DACH2: variants seen among roughly 807,000 people sequenced by gnomAD.
DACH2 encodes dachshund homolog 2.
DACH2 carries 17 observed loss-of-function variants against 35.8 expected under a neutral mutation model. That is an observed-to-expected ratio of 0.48 (90% CI 0.33 to 0.71). The LOEUF is 0.71. Ranked by LOEUF, DACH2 falls within the 30% of genes least tolerant of loss-of-function variation. The pLI is 0.02. For missense variants in DACH2, 469 were observed against 472.7 expected (o/e 0.99, Z 0.07); for synonymous variants, 195 against 177.3 (o/e 1.10, Z -0.79).
rs1569439478 is a variant in DACH2 at position 86,556,824 on chromosome X, AG to A, written c.640+42434del. On this transcript the variant is annotated intron_variant, in intron 3 of 11. Transcript: ENST00000373125. ...GAGAGAGAGAGAGAGAGAGAGAGAG[AG>A]AGAGAAGAAGAAATGTACTACGGGA... is the stretch of plus-strand genomic sequence containing the variant. Among the ~76,000 whole-genome samples the A allele has an allele frequency of 8.7e-4, 80 of 92,259 alleles. 2 individuals carry two copies. Among genetic ancestry groups the A allele is most frequent in the Non-Finnish European group, 1.3e-3 (58 of 45,912 alleles). The allele number at this position is 92,259 out of a possible 115,157, so 80.1% of individuals were successfully genotyped here.
intron 7 of DACH2, among the ~76,000 whole-genome samples, chrX:86,748,410 G>A (rs775229454): frequency 2.6e-4 from 29 of 112,015 alleles, no homozygotes; most frequent in African/African-American, 7.1e-4. Context: ...CAATTACTCC[G>A]TATTACATAG....
At chrX:86,307,553 C>G (rs2034714989) in intron 1 of DACH2, among the ~76,000 whole-genome samples, 1 of 111,488 alleles carries the variant, frequency 9.0e-6, no homozygotes, top group Non-Finnish European at 1.9e-5. Context: ...ACCCATGCTG[C>G]CATCAGCCTT....
chrX:86,643,172 G>GTTTT lies in DACH2; in HGVS notation c.641-7852_641-7849dup, dbSNP rs57842008. Among the ~76,000 whole-genome samples, 436 of 84,512 alleles carry GTTTT rather than the reference G, an allele frequency of 5.2e-3. 3 individuals carry two copies. The highest frequency in any genetic ancestry group is 0.017 in the African/African-American group (377 of 22,647). The allele number at this position is 84,512 out of a possible 115,157, so 73.4% of individuals were successfully genotyped here. A position where few individuals can be genotyped will look rare whatever the true frequency, so the allele number is the denominator to read the frequency against. ...CAAAAGATCAGTGAATCCAGGAATT[G>GTTTT]TTTTTTTTTTTTTTTGAAAAAAATA... On this transcript the variant is annotated intron_variant, in intron 3 of 11. Transcript: ENST00000373125.
At chrX:86,652,637 T>G (rs1268062433) in intron 4 of DACH2, among the ~76,000 whole-genome samples, 4 of 112,160 alleles carry the variant, frequency 3.6e-5, no homozygotes, top group African/African-American at 1.3e-4. Context: ...GTAATAGCCG[T>G]TCTGACTGGT....
At position 86,514,260 on chromosome X, in the gene DACH2, T is replaced by C; in HGVS notation, c.528-19T>C. On this transcript the variant is annotated intron_variant, in intron 2 of 11. Coordinates refer to ENST00000373125, the MANE Select transcript of DACH2 (RefSeq NM_053281.3). Reference sequence around the variant, plus strand: ...AGTACATTTTTAACCTTTATCTATATTTGTCTGTTTTTCAACAGTTCAAGA... The same window carrying C: ...AGTACATTTTTAACCTTTATCTATACTTGTCTGTTTTTCAACAGTTCAAGA... 1 of 1,183,371 alleles carries C rather than the reference T, an allele frequency of 8.5e-7. No homozygotes were observed. The highest frequency in any genetic ancestry group is 1.7e-5 in the African/African-American group (1 of 57,271).
chrX:86,324,486 G>C (rs1363604243), intron 1 of DACH2, among the ~76,000 whole-genome samples: 2 of 110,437 alleles, frequency 1.8e-5, no homozygotes, highest in African/African-American at 6.6e-5. Context: ...GTTCTACTCT[G>C]GGTAAAATTC....
At chrX:86,570,733 T>C (rs1569443267) in intron 3 of DACH2, among the ~76,000 whole-genome samples, 1 of 106,909 alleles carries the variant, frequency 9.4e-6, no homozygotes. Context: ...CCCAGAAACT[T>C]AAAAAAAAAA....
rs79907753 is a variant in DACH2, at chrX:86,616,806, G to A, written c.641-34230G>A. 3.6e-4 allele frequency among the ~76,000 whole-genome samples: 40 copies of A among 111,958 alleles called. No homozygotes were observed. The East Asian group carries it at 9.9e-3, about 28-fold the overall frequency. On this transcript the variant is annotated intron_variant, in intron 3 of 11. Transcript: ENST00000373125. ...GTCAAGTTTTGCTTTTGTGGCAATC[G>A]CTTTTGGTGTCTTTGTCATGTAATC...
At chrX:86,179,241 T>G (rs900457014) in intron 1 of DACH2, among the ~76,000 whole-genome samples, 2 of 112,530 alleles carry the variant, frequency 1.8e-5, no homozygotes, top group Non-Finnish European at 3.8e-5. Flanking sequence ...GTTGCCTGTT[T>G]GCAGAAATAC....
chrX:86,289,361 A>G (rs2034221930), intron 1 of DACH2, among the ~76,000 whole-genome samples: 1 of 107,454 alleles, frequency 9.3e-6, no homozygotes, highest in African/African-American at 3.4e-5. Context: ...GGGAGGGTTG[A>G]TGTAAGCATT....
intron 2 of DACH2, among the ~76,000 whole-genome samples, chrX:86,430,320 T>A (rs2036965289): frequency 8.9e-6 from 1 of 112,158 alleles, no homozygotes; most frequent in Non-Finnish European, 1.9e-5. Context: ...ACACACTAAG[T>A]TTCAAAGATA....
chrX:86,725,457 G>A (rs1465934970), intron 6 of DACH2, among the ~76,000 whole-genome samples: 6 of 111,612 alleles, frequency 5.4e-5, no homozygotes, highest in East Asian at 5.7e-4. Flanking sequence ...TCCGTGGTTA[G>A]GGTACAGTTA....
chrX:86,544,774 T>G (rs1051994492), intron 3 of DACH2, among the ~76,000 whole-genome samples: 1 of 111,739 alleles, frequency 8.9e-6, no homozygotes, highest in African/African-American at 3.3e-5. Context: ...TATGATGGGA[T>G]CAAATCCGCG....
At chrX:86,777,179 G>A (rs982179012) in intron 7 of DACH2, among the ~76,000 whole-genome samples, 1 of 109,253 alleles carries the variant, frequency 9.2e-6, no homozygotes, top group African/African-American at 3.4e-5. Context: ...TTCCACAATG[G>A]TTGAACTAGT....
chrX:86,391,513 A>G (rs1339683262), intron 2 of DACH2, among the ~76,000 whole-genome samples: 3 of 110,528 alleles, frequency 2.7e-5, no homozygotes, highest in African/African-American at 9.8e-5. Context: ...ATAACCATGT[A>G]CATCAAAGTT....
At chrX:86,549,983 TC>T (rs1440069491) in intron 3 of DACH2, among the ~76,000 whole-genome samples, 1 of 111,559 alleles carries the variant, frequency 9.0e-6, no homozygotes, top group African/African-American at 3.2e-5. Context: ...TATTTATCAA[TC>T]AAAGATGAGG....
chrX:86,318,599 A>G (rs973627096), intron 1 of DACH2, among the ~76,000 whole-genome samples: 2 of 111,261 alleles, frequency 1.8e-5, no homozygotes, highest in African/African-American at 6.5e-5. Flanking sequence ...TAGACATCCC[A>G]TACAGTTTTG....
chrX:86,330,630 T>C (rs1191995610), intron 1 of DACH2, among the ~76,000 whole-genome samples: 3 of 111,917 alleles, frequency 2.7e-5, no homozygotes, highest in African/African-American at 9.7e-5. Context: ...TTTAAAATAC[T>C]TTTTCTTAAT....
In DACH2 at chrX:86,392,492, G is replaced by A. The variant is rs1190412155; in HGVS notation, c.527+15630G>A. 5.4e-5 allele frequency among the ~76,000 whole-genome samples: 6 copies of A among 111,687 alleles called. No individual in the cohort carries two copies. In the Admixed American group the frequency reaches 5.7e-4, roughly 11 times the overall value. The stretch of plus-strand genomic sequence containing the variant: ...TAAGAGAAAAAGTTAGGCTGAAATG[G>A]TTTTGTGGAGGATAATAAGTCAGGA... On this transcript the variant is annotated intron_variant, in intron 2 of 11. Coordinates refer to ENST00000373125, the MANE Select transcript of DACH2 (RefSeq NM_053281.3).
Sources: allele counts gnomAD v4.1 joint callset (sites outside exome capture counted in the v4.1 genomes callset), GRCh38; gene constraint gnomAD v4.1.1; transcripts MANE v1.5; gene names NCBI Gene and HGNC (gene_info 2026-07-23, HGNC 2026-07-21).